VAV2: variants seen among roughly 807,000 people sequenced by gnomAD.
VAV2 encodes the protein vav guanine nucleotide exchange factor 2.
Under a neutral mutation model 132.5 loss-of-function variants are expected in VAV2, and 67 were observed. The observed-to-expected ratio is 0.51, with a 90% CI of 0.42 to 0.62. The LOEUF (loss-of-function observed/expected upper bound fraction) is 0.62. Among genes scored for constraint, VAV2 ranks in the 20% least tolerant of loss-of-function variants. The pLI is 0.00. For missense variants in VAV2, 938 were observed against 1,153.6 expected, an observed-to-expected ratio of 0.81 and a Z score of 2.71; for synonymous variants, 492 against 443.5, an observed-to-expected ratio of 1.11 and a Z score of -1.37.
chr9:133,869,730 C>A (rs1837953433), intron 2 of VAV2, among the ~76,000 whole-genome samples: 1 of 152,210 alleles, frequency 6.6e-6, no homozygotes, highest in South Asian at 2.1e-4. Flanking sequence ...GCTTTCTGGC[C>A]CCGACCCTCC....
rs1347626342 is a variant in VAV2, at chr9:133,968,629, G to T, written c.204+23446C>A. 2.0e-5 allele frequency among the ~76,000 whole-genome samples: 3 copies of T among 152,196 alleles called. No individual in the cohort carries two copies. In the South Asian group the frequency reaches 6.2e-4, roughly 32 times the overall value. On this transcript the variant is annotated intron_variant, in intron 1 of 29. Transcript: ENST00000371850. The stretch of plus-strand genomic sequence containing the variant: ...GAGCCTACACGACCCGGGCTCTGGG[G>T]CTGCCTGGGGACATCCTCCAGCCAC...
chr9:133,955,128 G>A (rs1201021884), intron 1 of VAV2, among the ~76,000 whole-genome samples: 2 of 151,816 alleles, frequency 1.3e-5, no homozygotes, highest in African/African-American at 4.8e-5. Context: ...CTCCAGGCTC[G>A]GCCAAGGGTA....
intron 6 of VAV2, 106 bp from the exon 7 acceptor site, chr9:133,809,244 G>A: frequency 1.0e-6 from 1 of 975,472 alleles, no homozygotes; most frequent in Non-Finnish European, 1.6e-6. Context: ...AGGACTCCTT[G>A]GGTTTGGCCA....
intron 2 of VAV2, among the ~76,000 whole-genome samples, chr9:133,889,562 C>T (rs1371820287): frequency 6.6e-6 from 1 of 152,164 alleles, no homozygotes; most frequent in Non-Finnish European, 1.5e-5. Flanking sequence ...TGCCTTGGGG[C>T]AGGTGTGGGC....
rs565000824 is a variant in VAV2 at position 133,944,374 on chromosome 9, C to T, written c.205-5155G>A. On this transcript the variant is annotated intron_variant, in intron 1 of 29. Coordinates refer to ENST00000371850, the MANE Select transcript of VAV2 (RefSeq NM_001134398.2). ...AGGGGTACAAAAGGGGAAACTAAGC[C>T]GGGGGAGGCAAATCCACTTGCCTGA... 6.0e-4 allele frequency among the ~76,000 whole-genome samples: 92 copies of T among 152,308 alleles called. 1 individual carries two copies. The highest frequency in any genetic ancestry group is 2.1e-3 in the African/African-American group (88 of 41,578).
chr9:133,880,968 ACAGCACAGTCC>A (rs1260391463), intron 2 of VAV2, among the ~76,000 whole-genome samples: 3 of 152,186 alleles, frequency 2.0e-5, no homozygotes, highest in Non-Finnish European at 4.4e-5. Flanking sequence ...TTCGGTGGCT[ACAGCACAGTCC>A]CCCCACTGTC....
At chr9:133,965,140 T>C (rs1438816755) in intron 1 of VAV2, among the ~76,000 whole-genome samples, 2 of 151,800 alleles carry the variant, frequency 1.3e-5, no homozygotes, top group Non-Finnish European at 2.9e-5. Flanking sequence ...AAAATTAACA[T>C]ATAGAAAACA....
intron 26 of VAV2, 88 bp downstream of exon 26, chr9:133,771,871 G>C: frequency 7.9e-7 from 1 of 1,269,866 alleles, no homozygotes; most frequent in African/African-American, 1.5e-5. Flanking sequence ...AATCCTCACA[G>C]AAAACATGGC....
chr9:133,957,385 G>A (rs636651), intron 1 of VAV2, among the ~76,000 whole-genome samples: 51,843 of 152,016 alleles, frequency 0.34, 9,845 homozygotes, highest in Non-Finnish European at 0.43. Context: ...CACTGAGGGC[G>A]TTTTTCTGTC....
At chr9:133,853,934 G>C (rs979714681) in intron 3 of VAV2, among the ~76,000 whole-genome samples, 2 of 152,100 alleles carry the variant, frequency 1.3e-5, no homozygotes, top group Admixed American at 1.3e-4. Flanking sequence ...GGAGATACTG[G>C]GATACAGAAT....
intron 2 of VAV2, among the ~76,000 whole-genome samples, chr9:133,881,897 T>C (rs1394057959): frequency 6.6e-6 from 1 of 152,148 alleles, no homozygotes; most frequent in Non-Finnish European, 1.5e-5. Context: ...AGCAAGTACG[T>C]GCTGAGAACC....
In VAV2 at chr9:133,883,140, A is replaced by T. The variant is rs1036927574; in HGVS notation, c.322-21708T>A. Among the ~76,000 whole-genome samples, 1 of 152,086 alleles carries T rather than the reference A, an allele frequency of 6.6e-6. No homozygotes were observed. The highest frequency in any genetic ancestry group is 2.4e-5 in the African/African-American group (1 of 41,394). ...TCTGGATCCTTCCCTCCTAATTGGCATGGAAAGTCAAGTCCCTGAGCCTGC... is the reference window on the plus strand; with the variant it reads ...TCTGGATCCTTCCCTCCTAATTGGCTTGGAAAGTCAAGTCCCTGAGCCTGC... On this transcript the variant is annotated intron_variant, in intron 2 of 29. Transcript: ENST00000371850. The surrounding 1 kb of genome is among the most constrained non-coding windows in gnomAD (Gnocchi z 4.2).
chr9:133,936,193 C>A (rs1840901556), intron 2 of VAV2, among the ~76,000 whole-genome samples: 1 of 151,852 alleles, frequency 6.6e-6, no homozygotes, highest in African/African-American at 2.4e-5. Context: ...GGGTCCAAGT[C>A]CATGTGCTCA....
At position 133,763,399 on chromosome 9, in the gene VAV2, GC is replaced by G. The variant is rs1359143983; in HGVS notation, c.*662del. Reference sequence around the variant, plus strand: ...AAGGCCCCTCCCAAGAGAGGGGCCTGCCGTGTGGGGTCCGGGTGTGCCCCTG... The same window carrying G: ...AAGGCCCCTCCCAAGAGAGGGGCCTGCGTGTGGGGTCCGGGTGTGCCCCTG... On this transcript the variant is annotated 3_prime_UTR_variant, in exon 30 of 30. Coordinates refer to ENST00000371850, the MANE Select transcript of VAV2 (RefSeq NM_001134398.2). The surrounding 1 kb of genome is among the most constrained non-coding windows in gnomAD (Gnocchi z 6.8). 2 of 152,378 alleles carry G rather than the reference GC, an allele frequency of 1.3e-5. No individual in the cohort carries two copies. Among genetic ancestry groups the G allele is most frequent in the Non-Finnish European group, 2.9e-5 (2 of 68,130 alleles). The allele number at this position is 152,378 out of a possible 1,614,324, so 9.4% of individuals were successfully genotyped here.
intron 1 of VAV2, among the ~76,000 whole-genome samples, chr9:133,976,804 C>T (rs1842527466): frequency 6.6e-6 from 1 of 152,236 alleles, no homozygotes; most frequent in Non-Finnish European, 1.5e-5. Context: ...AGATATTCTA[C>T]TGCATGGACG....
At chr9:133,772,071 G>A (rs1833647921) in intron 25 of VAV2, 25 bp from the exon 26 acceptor site, 1 of 1,606,958 alleles carries the variant, frequency 6.2e-7, no homozygotes, top group East Asian at 2.2e-5. Flanking sequence ...GGCCCCGGCG[G>A]TCACCGCGTG....
chr9:133,889,132 G>A (rs573415457), intron 2 of VAV2, among the ~76,000 whole-genome samples: 1 of 152,136 alleles, frequency 6.6e-6, no homozygotes, highest in South Asian at 2.1e-4. Context: ...TTCCGCCCTC[G>A]GGGTGGGAAA....
chr9:133,840,529 C>T lies in VAV2; in HGVS notation c.381-6189G>A, dbSNP rs1043802372. Among the ~76,000 whole-genome samples the T allele has an allele frequency of 2.6e-5, 4 of 152,150 alleles. No individual in the cohort carries two copies. The highest frequency in any genetic ancestry group is 5.9e-5 in the Non-Finnish European group (4 of 68,026). On this transcript the variant is annotated intron_variant, in intron 3 of 29. Coordinates refer to ENST00000371850, the MANE Select transcript of VAV2 (RefSeq NM_001134398.2). This position sits in a 1 kb window ranked among gnomAD's most constrained non-coding sequence, Gnocchi z 4.5. Reference sequence around the variant, plus strand: ...GACAATCACAGTCCCAGTGCTACAGCCAAATAAGTCACCAGCCAGAGGACA... The same window carrying T: ...GACAATCACAGTCCCAGTGCTACAGTCAAATAAGTCACCAGCCAGAGGACA...
At chr9:133,777,508 C>G (rs767956784) in intron 22 of VAV2, 45 bp from the exon 23 acceptor site, 2 of 1,590,514 alleles carry the variant, frequency 1.3e-6, no homozygotes, top group South Asian at 1.1e-5. Flanking sequence ...CCGAGCCTGG[C>G]CTATGGGAGT....
Sources: allele counts gnomAD v4.1 joint callset (sites outside exome capture counted in the v4.1 genomes callset), GRCh38; gene constraint gnomAD v4.1.1; non-coding constraint Gnocchi (gnomAD v3.1); transcripts MANE v1.5; gene names NCBI Gene and HGNC (gene_info 2026-07-23, HGNC 2026-07-21).